MED24: variants seen among roughly 807,000 people sequenced by gnomAD.
The protein encoded by MED24 is mediator complex subunit 24, also known as mediator of RNA polymerase II transcription subunit 24.
MED24 carries 74 observed loss-of-function variants against 118.8 expected under a neutral mutation model. That is an observed-to-expected ratio of 0.62 (90% CI 0.52 to 0.76). MED24 has a LOEUF of 0.76. Ranked by LOEUF, MED24 falls within the 30% of genes least tolerant of loss-of-function variation. MED24 has a pLI of 0.00. For missense variants in MED24, 1,041 were observed against 1,278.9 expected (o/e 0.81, Z 2.84); for synonymous variants, 521 against 523.9 (o/e 0.99, Z 0.08).
chr17:40,043,935 C>T (rs1984858932), intron 3 of MED24, among the ~76,000 whole-genome samples: 1 of 146,936 alleles, frequency 6.8e-6, no homozygotes, highest in African/African-American at 2.5e-5. Flanking sequence ...TCGAGACCCG[C>T]CTGGCCAACA....
At chr17:40,022,853 A>G in intron 20 of MED24, 27 bp from the exon 21 acceptor site, 1 of 1,608,584 alleles carries the variant, frequency 6.2e-7, no homozygotes, top group Non-Finnish European at 8.5e-7. Context: ...GGGGCAGTTC[A>G]GGAGCCAGGG....
chr17:40,033,742 G>C lies in MED24; in HGVS notation c.560-286C>G, dbSNP rs1308969855. On this transcript the variant is annotated intron_variant, in intron 6 of 25. Transcript: ENST00000394128. The surrounding 1 kb of genome is among the most constrained non-coding windows in gnomAD (Gnocchi z 5.2). ...TATGGCATCACACAGGCTCAGGAGA[G>C]AGAGGCAGAGGGAGGCCAGAATCCA... is the stretch of plus-strand genomic sequence containing the variant. 3 of 565,864 alleles carry C rather than the reference G, an allele frequency of 5.3e-6. No homozygotes were observed. The East Asian group carries it at 1.3e-4, about 24-fold the overall frequency. The allele number at this position is 565,864 out of a possible 1,614,324, so 35.1% of individuals were successfully genotyped here. A position where few individuals can be genotyped will look rare whatever the true frequency, so the allele number is the denominator to read the frequency against.
rs141508802 is a variant in MED24, at chr17:40,039,711, C to T, written c.214-3557G>A. 6.3e-3 allele frequency among the ~76,000 whole-genome samples: 961 copies of T among 151,926 alleles called. 6 individuals are homozygous for T. Among genetic ancestry groups the T allele is most frequent in the Non-Finnish European group, 0.01 (693 of 67,972 alleles). On this transcript the variant is annotated intron_variant, in intron 3 of 25. Transcript: ENST00000394128. Reference sequence around the variant, plus strand: ...CCAGGCTGGAGTGCAGTGGTGCTCCCGGATTCAAGCAATCCTCCCACCTCA... The same window carrying T: ...CCAGGCTGGAGTGCAGTGGTGCTCCTGGATTCAAGCAATCCTCCCACCTCA...
At position 40,020,349 on chromosome 17, in the gene MED24, G is replaced by C; in HGVS notation, c.2628C>G (p.Asp876Glu). The change falls in exon 24 of 26, where the codon GAC becomes GAG. Residue 876 changes from aspartate to glutamate, a missense_variant. Asp to Glu is a conservative substitution (Grantham distance 45). This residue lies in a region of MED24 where 587 missense variants were observed against 694.4 expected (regional missense o/e 0.85). Coordinates refer to ENST00000394128, the MANE Select transcript of MED24 (RefSeq NM_014815.4). ...CTGAGAGGGAGCTGCTCATGGATCGGTCTGCTGTGGGACGGAGCAGATGGA... is the reference window on the plus strand; with the variant it reads ...CTGAGAGGGAGCTGCTCATGGATCGCTCTGCTGTGGGACGGAGCAGATGGA... ...DDANILSSPT[D>E]RSMSSSLSAS... 2.5e-6 allele frequency: 4 copies of C among 1,596,978 alleles called. No individual in the cohort carries two copies. Among genetic ancestry groups the C allele is most frequent in the Non-Finnish European group, 3.4e-6 (4 of 1,171,734 alleles).
intron 11 of MED24, 25 bp from the exon 12 acceptor site, chr17:40,031,270 G>A: frequency 6.5e-7 from 1 of 1,549,678 alleles, no homozygotes; most frequent in Non-Finnish European, 8.7e-7. Context: ...GATGCTGAGG[G>A]AACTGGGCAC....
chr17:40,052,353 T>C (rs1985948692), intron 3 of MED24, among the ~76,000 whole-genome samples: 1 of 152,212 alleles, frequency 6.6e-6, no homozygotes, highest in African/African-American at 2.4e-5. Context: ...TTTCAACTTA[T>C]GAGTGGTATA....
At position 40,038,494 on chromosome 17, in the gene MED24, C is replaced by T. The variant is rs145753831; in HGVS notation, c.214-2340G>A. 5.1e-3 allele frequency among the ~76,000 whole-genome samples: 779 copies of T among 152,054 alleles called. 5 individuals are homozygous for T. Among genetic ancestry groups the T allele is most frequent in the African/African-American group, 0.018 (730 of 41,496 alleles). On this transcript the variant is annotated intron_variant, in intron 3 of 25. Coordinates refer to ENST00000394128, the MANE Select transcript of MED24 (RefSeq NM_014815.4). ...TTGGGAGGCCAAGGAGGGTGGATCA[C>T]GGGGTCAAGAGATCAAGACCATCCT...
intron 3 of MED24, among the ~76,000 whole-genome samples, chr17:40,044,616 T>A (rs566282769): frequency 6.6e-6 from 1 of 152,184 alleles, no homozygotes; most frequent in South Asian, 2.1e-4. Flanking sequence ...GCGCGGTGGC[T>A]CACGCCTATA....
chr17:40,035,674 G>A, intron 5 of MED24, 48 bp downstream of exon 5: 16 of 1,587,884 alleles, frequency 1.0e-5, no homozygotes, highest in Non-Finnish European at 1.4e-5. Context: ...TCTGCACAAA[G>A]ACAAGGCTGG....
chr17:40,022,373 G>A (rs767808390), intron 22 of MED24, 21 bp downstream of exon 22: 20 of 1,593,900 alleles, frequency 1.3e-5, no homozygotes, highest in Admixed American at 1.2e-4. Context: ...TGAAGCCGGC[G>A]AGGGCAGCTG....
intron 3 of MED24, among the ~76,000 whole-genome samples, chr17:40,040,613 A>T (rs898425209): frequency 1.3e-5 from 2 of 149,416 alleles, no homozygotes; most frequent in East Asian, 2.0e-4. Flanking sequence ...TTTTTTTTTT[A>T]ATTTTATTTT....
intron 6 of MED24, among the ~76,000 whole-genome samples, chr17:40,034,301 T>C (rs1983704474): frequency 6.6e-6 from 1 of 152,244 alleles, no homozygotes; most frequent in Non-Finnish European, 1.5e-5. Flanking sequence ...TCCATTTTTA[T>C]ATAAAGATTG....
intron 15 of MED24, 38 bp downstream of exon 15, chr17:40,027,870 AG>A (rs753543106): frequency 6.2e-7 from 1 of 1,604,422 alleles, no homozygotes; most frequent in South Asian, 1.1e-5. Flanking sequence ...ACCCCTCCTC[AG>A]GGCCCACTGG....
chr17:40,021,881 C>T, intron 23 of MED24, 74 bp downstream of exon 23: 2 of 1,111,982 alleles, frequency 1.8e-6, no homozygotes, highest in Non-Finnish European at 2.6e-6. Flanking sequence ...GCAGCTGGGG[C>T]AGCGGCAGAG....
chr17:40,027,556 G>C (rs1464694910), intron 15 of MED24, 91 bp from the exon 16 acceptor site: 1 of 1,266,970 alleles, frequency 7.9e-7, no homozygotes, highest in Non-Finnish European at 1.1e-6. Context: ...CCTCTAGGAA[G>C]GTCAGGGACC....
chr17:40,028,120 T>C, intron 14 of MED24, 174 bp from the exon 15 acceptor site: 1 of 647,434 alleles, frequency 1.5e-6, no homozygotes, highest in Non-Finnish European at 2.6e-6. Context: ...TTTTGTTTTT[T>C]TTTTGTTTTT....
intron 14 of MED24, 105 bp from the exon 15 acceptor site, chr17:40,028,051 C>G (rs1982911606): frequency 8.7e-7 from 1 of 1,152,782 alleles, no homozygotes; most frequent in Non-Finnish European, 1.3e-6. Flanking sequence ...GTCTGAGTTA[C>G]TGGTTAAACT....
At chr17:40,048,136 C>A (rs368357125) in intron 3 of MED24, among the ~76,000 whole-genome samples, 5 of 152,130 alleles carry the variant, frequency 3.3e-5, no homozygotes, top group African/African-American at 4.8e-5. Context: ...TATTTGTCAC[C>A]CTAAAATAAA....
chr17:40,031,914 G>A, intron 10 of MED24, 129 bp downstream of exon 10: 1 of 1,081,860 alleles, frequency 9.2e-7, no homozygotes, highest in Non-Finnish European at 1.4e-6. Context: ...TGAAGCACGT[G>A]CACGCTGAGG....
Sources: gnomAD v4.1 joint callset for allele counts (sites outside exome capture counted in the v4.1 genomes callset) on GRCh38, gnomAD v4.1.1 for gene constraint, gnomAD v4.1.1 regional missense constraint, Gnocchi (gnomAD v3.1) non-coding constraint, MANE v1.5 for transcripts, NCBI Gene and HGNC (gene_info 2026-07-23, HGNC 2026-07-21) for gene names.